CEP72: variants seen among roughly 807,000 people sequenced by gnomAD.
The protein encoded by CEP72 is centrosomal protein 72.
In CEP72, 78 loss-of-function variants were observed where a neutral mutation model predicts 65.7. The ratio of observed to expected loss-of-function variants is 1.19; its 90% CI spans 0.99 to 1.43. CEP72 has a LOEUF of 1.43. Ranked by LOEUF, CEP72 falls within the 40% of genes most tolerant of loss-of-function variation. The pLI is 0.00. For missense variants in CEP72, 914 were observed against 832.9 expected, an observed-to-expected ratio of 1.10 and a Z score of -1.20; for synonymous variants, 358 against 351.7, an observed-to-expected ratio of 1.02 and a Z score of -0.20.
At chr5:619,875 C>T (rs968189081) in intron 2 of CEP72, among the ~76,000 whole-genome samples, 194 bp from the exon 3 acceptor site, 6 of 152,214 alleles carry the variant, frequency 3.9e-5, no homozygotes, top group African/African-American at 7.2e-5. Context: ...GTTCCATAAA[C>T]GACCGTCTCA....
chr5:648,373 C>T (rs1738572417), intron 11 of CEP72, among the ~76,000 whole-genome samples: 2 of 123,184 alleles, frequency 1.6e-5, no homozygotes, highest in Admixed American at 8.0e-5. Context: ...GAGGTGTGAC[C>T]ACGAGGCATG....
chr5:649,602 G>A (rs1241436005), intron 11 of CEP72, among the ~76,000 whole-genome samples: 1 of 104,956 alleles, frequency 9.5e-6, no homozygotes, highest in African/African-American at 3.6e-5. Flanking sequence ...GCGTGACTGT[G>A]AGGCGTGGAC....
At chr5:637,134 C>T (rs1737660567) in intron 6 of CEP72, among the ~76,000 whole-genome samples, 1 of 152,230 alleles carries the variant, frequency 6.6e-6, no homozygotes, top group Non-Finnish European at 1.5e-5. Context: ...GTCACTTCAC[C>T]TGTCTTCAGA....
intron 4 of CEP72, among the ~76,000 whole-genome samples, chr5:632,363 G>T (rs67309630): frequency 5.1e-4 from 5 of 9,892 alleles, no homozygotes; most frequent in South Asian, 9.0e-3. Context: ...CTGGTGGGGT[G>T]CTGTCCAGTG....
chr5:639,316 GC>G (rs1284930339), intron 8 of CEP72, 92 bp downstream of exon 8: 5 of 1,414,202 alleles, frequency 3.5e-6, no homozygotes, highest in Non-Finnish European at 4.8e-6. Context: ...AGTCATCTCA[GC>G]CCCAGGTCTC....
At chr5:658,871 T>G (rs1362977486), downstream of CEP72, among the ~76,000 whole-genome samples, 1 of 152,216 alleles carries the variant, frequency 6.6e-6, no homozygotes, top group East Asian at 1.9e-4. Context: ...GGTTTCACTG[T>G]GTTAGCCAGG....
chr5:618,603 G>A (rs998727519), intron 1 of CEP72, among the ~76,000 whole-genome samples: 3 of 152,184 alleles, frequency 2.0e-5, no homozygotes, highest in Non-Finnish European at 4.4e-5. Context: ...TACAGCAGGG[G>A]CCGGGGGGAG....
intron 9 of CEP72, chr5:642,431 GTC>G: frequency 1.0e-6 from 1 of 985,476 alleles, no homozygotes; most frequent in Non-Finnish European, 1.2e-6. Context: ...GTGACCGGCT[GTC>G]TGGAAAGTGA....
At chr5:621,172 T>C (rs1736366003) in intron 3 of CEP72, among the ~76,000 whole-genome samples, 1 of 152,244 alleles carries the variant, frequency 6.6e-6, no homozygotes, top group African/African-American at 2.4e-5. Context: ...AAACGTTCCC[T>C]GGTTGCTTCT....
downstream of CEP72, among the ~76,000 whole-genome samples, chr5:668,493 T>C (rs954800235): frequency 1.4e-4 from 22 of 152,112 alleles, no homozygotes; most frequent in East Asian, 4.1e-3. Context: ...GTCAGGGAAG[T>C]GCAGATGGAA....
chr5:664,860 G>A (rs771456734), intron 2 of CEP72: 6 of 540,002 alleles, frequency 1.1e-5, no homozygotes, highest in Non-Finnish European at 2.0e-5. Flanking sequence ...AATGGCTGAG[G>A]ACGAGGCAGG....
Position 623,184 on chromosome 5 carries a change from G to A in CEP72, c.404-1287G>A, listed in dbSNP as rs776044164. Among the ~76,000 whole-genome samples the A allele has an allele frequency of 1.3e-5, 2 of 152,086 alleles. No individual in the cohort carries two copies. The highest frequency in any genetic ancestry group is 2.4e-5 in the African/African-American group (1 of 41,414). On this transcript the variant is annotated intron_variant, in intron 3 of 11. Coordinates refer to ENST00000264935, the MANE Select transcript of CEP72 (RefSeq NM_018140.4). The surrounding 1 kb of genome is among the most constrained non-coding windows in gnomAD (Gnocchi z 5.3). ...CTTAGTGTTTCTGCAGAGAAGGAGC[G>A]CGACCGTCTCCCCTCTTAGTGTTTC... is the stretch of plus-strand genomic sequence containing the variant.
At chr5:637,947 C>T (rs1206458520) in intron 7 of CEP72, 129 bp downstream of exon 7, 14 of 912,812 alleles carry the variant, frequency 1.5e-5, no homozygotes, top group Middle Eastern at 3.5e-4. Flanking sequence ...AGGGCTGTTA[C>T]GGCGGTGCCG....
downstream of CEP72, among the ~76,000 whole-genome samples, chr5:656,089 C>T (rs760570725): frequency 1.3e-5 from 2 of 152,056 alleles, no homozygotes; most frequent in Non-Finnish European, 2.9e-5. Context: ...TTGATTTTTG[C>T]GCCTGTTGTG....
chr5:628,396 G>GT lies in CEP72; in HGVS notation c.512+3817_512+3818insT, dbSNP rs1355527710. On this transcript the variant is annotated intron_variant, in intron 4 of 11. Transcript: ENST00000264935. ...AGGACCCAGCCCCCTTCTTTGTGCA[G>GT]CTTCTGGAGAACTCAGGTCACAGGC... Among the ~76,000 whole-genome samples the GT allele has an allele frequency of 2.4e-3, 366 of 151,438 alleles. 1 individual carries two copies. The highest frequency in any genetic ancestry group is 8.6e-3 in the African/African-American group (351 of 40,804).
chr5:619,665 C>T (rs1322112812), intron 2 of CEP72, among the ~76,000 whole-genome samples: 1 of 152,240 alleles, frequency 6.6e-6, no homozygotes, highest in Non-Finnish European at 1.5e-5. Context: ...AGATGCGGAC[C>T]TAGCCCAGGC....
At position 624,327 on chromosome 5, in the gene CEP72, A is replaced by G; in HGVS notation, c.404-144A>G. 1 of 633,200 alleles carries G rather than the reference A, an allele frequency of 1.6e-6. No individual in the cohort carries two copies. The highest frequency in any genetic ancestry group is 2.9e-6 in the Non-Finnish European group (1 of 350,478). The allele number at this position is 633,200 out of a possible 1,614,324, so 39.2% of individuals were successfully genotyped here. The stretch of plus-strand genomic sequence containing the variant: ...ATCGCCGGGAAGCTGTGGGACCACC[A>G]GAGCCCAGCATTCCGGTGCTAGGTT... On this transcript the variant is annotated intron_variant, in intron 3 of 11. Coordinates refer to ENST00000264935, the MANE Select transcript of CEP72 (RefSeq NM_018140.4). This position sits in a 1 kb window ranked among gnomAD's most constrained non-coding sequence, Gnocchi z 4.7.
chr5:666,099 G>A lies in CEP72; in HGVS notation n.592G>A, dbSNP rs544592787. 5 of 1,611,570 alleles carry A rather than the reference G, an allele frequency of 3.1e-6. No individual in the cohort carries two copies. In the African/African-American group the frequency reaches 6.7e-5, roughly 22 times the overall value. The stretch of plus-strand genomic sequence containing the variant: ...CCAGCGCCTCCTGGAACTGCTCAAA[G>A]GTGATGGTCCGGCAAGACTTCCCTC... On this transcript the variant is annotated splice_region_variant and non_coding_transcript_exon_variant, in exon 4 of 5. Transcript: ENST00000514507.
intron 8 of CEP72, 115 bp from the exon 9 acceptor site, chr5:640,293 A>G (rs139795739): frequency 4.8e-5 from 47 of 969,308 alleles, no homozygotes; most frequent in African/African-American, 9.1e-5. Flanking sequence ...CCCTCTCCCT[A>G]CCTGTCGTCT....
Sources: gnomAD v4.1 joint callset for allele counts (sites outside exome capture counted in the v4.1 genomes callset) on GRCh38, gnomAD v4.1.1 for gene constraint, Gnocchi (gnomAD v3.1) non-coding constraint, MANE v1.5 for transcripts, NCBI Gene and HGNC (gene_info 2026-07-23, HGNC 2026-07-21) for gene names.